Variants in SLC35F1 observed in about 807,000 individuals in gnomAD.
SLC35F1 encodes chromosome 6 open reading frame 169.
In SLC35F1, 14 loss-of-function variants were observed where a neutral mutation model predicts 48.7. The observed-to-expected ratio is 0.29, with a 90% CI of 0.19 to 0.45. The LOEUF is 0.45. Ranked by LOEUF, SLC35F1 falls within the 20% of genes least tolerant of loss-of-function variation. The pLI, the probability that SLC35F1 is intolerant of heterozygous loss-of-function variation, is 1.00. For synonymous variants in SLC35F1, 190 were observed against 202.2 expected, an observed-to-expected ratio of 0.94 and a Z score of 0.51; for missense variants, 404 against 500.0, an observed-to-expected ratio of 0.81 and a Z score of 1.83.
chr6:118,206,786 AC>A (rs1362693516), intron 2 of SLC35F1, among the ~76,000 whole-genome samples: 1 of 152,178 alleles, frequency 6.6e-6, no homozygotes, highest in Admixed American at 6.5e-5. Context: ...GAACCAAGAG[AC>A]AAATTGAACT....
intron 1 of SLC35F1, among the ~76,000 whole-genome samples, chr6:118,085,107 A>G (rs1772967646): frequency 6.6e-6 from 1 of 152,108 alleles, no homozygotes; most frequent in Non-Finnish European, 1.5e-5. Context: ...CCTTACTGCC[A>G]TCACATTGTG....
At chr6:118,188,278 G>C (rs77326305) in intron 2 of SLC35F1, among the ~76,000 whole-genome samples, 1 of 152,138 alleles carries the variant, frequency 6.6e-6, no homozygotes, top group African/African-American at 2.4e-5. Context: ...GGCCAGGCAC[G>C]GTGGCTCACG....
In SLC35F1 at chr6:118,254,631, A is replaced by G. The variant is rs181311104; in HGVS notation, c.478-12364A>G. Among the ~76,000 whole-genome samples, 772 of 152,304 alleles carry G rather than the reference A, an allele frequency of 5.1e-3. 8 individuals carry two copies. The highest frequency in any genetic ancestry group is 0.018 in the African/African-American group (739 of 41,566). On this transcript the variant is annotated intron_variant, in intron 3 of 7. Coordinates refer to ENST00000360388, the MANE Select transcript of SLC35F1 (RefSeq NM_001029858.4). ...GAAATAAACCTAGAAATAAAACCCA[A>G]AAAGTATAAGATGCTTTCCTCTGGC...
chr6:118,089,513 G>C (rs943284275), intron 1 of SLC35F1, among the ~76,000 whole-genome samples: 41 of 152,100 alleles, frequency 2.7e-4, no homozygotes, highest in Non-Finnish European at 4.9e-4. Flanking sequence ...ATTTCCTTTT[G>C]CTCATTTTTT....
intron 7 of SLC35F1, among the ~76,000 whole-genome samples, chr6:118,292,250 C>A (rs546138951): frequency 6.6e-6 from 1 of 152,290 alleles, no homozygotes; most frequent in South Asian, 2.1e-4. Flanking sequence ...AGGGTTAGAC[C>A]CCTGGTTCAG....
chr6:118,109,533 G>A (rs1273097681), intron 1 of SLC35F1, among the ~76,000 whole-genome samples: 2 of 152,094 alleles, frequency 1.3e-5, no homozygotes, highest in Non-Finnish European at 2.9e-5. Context: ...TTCAGCTTCA[G>A]TTGTATATGA....
chr6:118,198,945 C>T (rs1774837163), intron 2 of SLC35F1, among the ~76,000 whole-genome samples: 1 of 152,276 alleles, frequency 6.6e-6, no homozygotes, highest in African/African-American at 2.4e-5. Flanking sequence ...CGTTATGACT[C>T]ACAGACAGCA....
intron 1 of SLC35F1, among the ~76,000 whole-genome samples, chr6:118,105,368 C>A (rs1020313103): frequency 6.6e-6 from 1 of 152,304 alleles, no homozygotes; most frequent in East Asian, 1.9e-4. Context: ...TCTCTTCTTT[C>A]TTAATCTTTT....
At chr6:117,989,185 G>C (rs978650745) in intron 1 of SLC35F1, among the ~76,000 whole-genome samples, 1 of 152,182 alleles carries the variant, frequency 6.6e-6, no homozygotes, top group African/African-American at 2.4e-5. Context: ...CCAGCAGCTC[G>C]AATGTTACAT....
intron 1 of SLC35F1, among the ~76,000 whole-genome samples, chr6:118,134,129 AAACAGAAAAC>A (rs1183530641): frequency 6.6e-6 from 1 of 152,208 alleles, no homozygotes; most frequent in African/African-American, 2.4e-5. Context: ...TCAGCAAGAG[AAACAGAAAAC>A]AGCACATCAG....
intron 2 of SLC35F1, among the ~76,000 whole-genome samples, chr6:118,213,716 T>G (rs1775037255): frequency 6.6e-6 from 1 of 152,170 alleles, no homozygotes; most frequent in Non-Finnish European, 1.5e-5. Flanking sequence ...AAATTATATA[T>G]AGATCAACTA....
Position 118,154,487 on chromosome 6 carries a change from C to T in SLC35F1, c.216C>T (p.Leu72=). The T allele has an allele frequency of 6.2e-7, 1 of 1,613,958 alleles. No homozygotes were observed. Among genetic ancestry groups the T allele is most frequent in the Non-Finnish European group, 8.5e-7 (1 of 1,179,904 alleles). Residue 72 remains leucine, a synonymous_variant, in exon 2 of 8, where the codon CTC becomes CTT. Transcript: ENST00000360388. ...TGGCCCTAGGCCAGGTGTTATCCCT[C>T]CTTATTTGTGGAATTGGCTTGACTA... The part of the protein sequence containing the change: ...ISVALGQVLS[L]LICGIGLTSK...
chr6:118,098,980 A>G (rs986914523), intron 1 of SLC35F1, among the ~76,000 whole-genome samples: 10 of 152,178 alleles, frequency 6.6e-5, no homozygotes, highest in South Asian at 2.1e-4. Flanking sequence ...TGTACCTTAT[A>G]TATAATGATG....
At chr6:118,107,695 A>C (rs1773344614) in intron 1 of SLC35F1, among the ~76,000 whole-genome samples, 1 of 151,932 alleles carries the variant, frequency 6.6e-6, no homozygotes. Context: ...ACTTGTGTGT[A>C]AGTTAGAAAT....
chr6:118,218,897 G>T (rs1440390897), intron 2 of SLC35F1, among the ~76,000 whole-genome samples: 1 of 152,124 alleles, frequency 6.6e-6, no homozygotes, highest in African/African-American at 2.4e-5. Context: ...ATTCTCAGTG[G>T]TTTAATTTCT....
intron 1 of SLC35F1, among the ~76,000 whole-genome samples, chr6:117,928,800 G>T (rs527658271): frequency 6.6e-6 from 1 of 152,256 alleles, no homozygotes; most frequent in Admixed American, 6.5e-5. Flanking sequence ...ATGGTCTGCA[G>T]TTATGGCTCA....
chr6:118,257,592 T>C (rs1336092451), intron 3 of SLC35F1, among the ~76,000 whole-genome samples: 1 of 152,172 alleles, frequency 6.6e-6, no homozygotes, highest in Non-Finnish European at 1.5e-5. Flanking sequence ...CAGTTTCAAA[T>C]GAATCAAGCT....
At chr6:118,102,876 G>A (rs1384119805) in intron 1 of SLC35F1, among the ~76,000 whole-genome samples, 1 of 152,212 alleles carries the variant, frequency 6.6e-6, no homozygotes, top group African/African-American at 2.4e-5. Context: ...ATATCATGAA[G>A]CTAGTGGAGT....
At chr6:118,170,633 G>T (rs930667432) in intron 2 of SLC35F1, among the ~76,000 whole-genome samples, 4 of 151,958 alleles carry the variant, frequency 2.6e-5, no homozygotes, top group Non-Finnish European at 5.9e-5. Context: ...TACAGACAGG[G>T]TTTCACCATG....
Sources: gnomAD v4.1 joint callset for allele counts (sites outside exome capture counted in the v4.1 genomes callset) on GRCh38, gnomAD v4.1.1 for gene constraint, MANE v1.5 for transcripts, NCBI Gene and HGNC (gene_info 2026-07-23, HGNC 2026-07-21) for gene names.